The following CPEB1 variants were observed in gnomAD, a reference collection of about 807,000 sequenced individuals.
CPEB1 encodes cytoplasmic polyadenylation element binding protein 1, also known as cytoplasmic polyadenylation element-binding protein 1.
Under a neutral mutation model 65.8 loss-of-function variants are expected in CPEB1, and 7 were observed. The ratio of observed to expected loss-of-function variants is 0.11; its 90% CI spans 0.06 to 0.20. The LOEUF (loss-of-function observed/expected upper bound fraction) is 0.20. Ranked by LOEUF, CPEB1 falls within the 10% of genes least tolerant of loss-of-function variation. The pLI, the probability that CPEB1 is intolerant of heterozygous loss-of-function variation, is 1.00. For missense variants in CPEB1, 551 were observed against 712.2 expected (o/e 0.77, Z 2.58); for synonymous variants, 262 against 260.0 (o/e 1.01, Z -0.08).
At chr15:82,545,158 C>CTCTTGGTTGCTGTG (rs1490601046) in intron 12 of CPEB1, among the ~76,000 whole-genome samples, 1 of 152,180 alleles carries the variant, frequency 6.6e-6, no homozygotes, top group African/African-American at 2.4e-5. Context: ...CTAGTCCCAT[C>CTCTTGGTTGCTGTG]TCTTGGTTGC....
chr15:82,598,657 T>C (rs1028254956), intron 3 of CPEB1, among the ~76,000 whole-genome samples: 2 of 151,952 alleles, frequency 1.3e-5, no homozygotes, highest in Non-Finnish European at 2.9e-5. Context: ...TGGTGGTGGG[T>C]GCCCGTAATC....
chr15:82,583,112 T>C (rs773454328), intron 3 of CPEB1, among the ~76,000 whole-genome samples: 39 of 152,210 alleles, frequency 2.6e-4, no homozygotes, highest in Admixed American at 1.3e-4. Context: ...CGGGTGTTTC[T>C]AAGATTTCGC....
chr15:82,633,648 T>C (rs568595646), intron 1 of CPEB1, among the ~76,000 whole-genome samples: 2 of 152,336 alleles, frequency 1.3e-5, no homozygotes, highest in South Asian at 2.1e-4. Flanking sequence ...GCTGGGATTA[T>C]AGGCATGAGC....
chr15:82,631,606 G>A (rs188509301), intron 1 of CPEB1, among the ~76,000 whole-genome samples: 211 of 152,212 alleles, frequency 1.4e-3, no homozygotes, highest in African/African-American at 4.6e-3. Flanking sequence ...TCTATCAGTC[G>A]TATCATTATT....
chr15:82,567,183 C>G (rs542712444), intron 4 of CPEB1, among the ~76,000 whole-genome samples: 1 of 152,158 alleles, frequency 6.6e-6, no homozygotes, highest in Non-Finnish European at 1.5e-5. Context: ...TAATCCCGTT[C>G]TGAATGTCGC....
intron 3 of CPEB1, among the ~76,000 whole-genome samples, chr15:82,607,616 C>A (rs1055037932): frequency 6.6e-6 from 1 of 151,876 alleles, no homozygotes; most frequent in African/African-American, 2.4e-5. Flanking sequence ...ACAAAAGACA[C>A]AAATAGGTTG....
intron 3 of CPEB1, among the ~76,000 whole-genome samples, chr15:82,616,183 T>C (rs2044689977): frequency 6.6e-6 from 1 of 152,122 alleles, no homozygotes; most frequent in Non-Finnish European, 1.5e-5. Context: ...TAGTTGCTTA[T>C]ATCATTCTAT....
chr15:82,601,584 A>G (rs2043124298), intron 3 of CPEB1, among the ~76,000 whole-genome samples: 1 of 152,138 alleles, frequency 6.6e-6, no homozygotes, highest in African/African-American at 2.4e-5. Flanking sequence ...AGAACTATAA[A>G]TAAAGATTTG....
intron 4 of CPEB1, among the ~76,000 whole-genome samples, chr15:82,561,766 T>C (rs1327274987): frequency 6.6e-6 from 1 of 152,222 alleles, no homozygotes; most frequent in Non-Finnish European, 1.5e-5. Context: ...TGAGGCTTTG[T>C]CAAATTCCTG....
chr15:82,613,191 A>G (rs543951330), intron 3 of CPEB1, among the ~76,000 whole-genome samples: 7 of 152,350 alleles, frequency 4.6e-5, no homozygotes, highest in Middle Eastern at 3.4e-3. Flanking sequence ...TCCAAACAAT[A>G]TACTAAATAA....
At chr15:82,553,121 G>A (rs971719813) in intron 8 of CPEB1, among the ~76,000 whole-genome samples, 3 of 152,204 alleles carry the variant, frequency 2.0e-5, no homozygotes, top group South Asian at 2.1e-4. Flanking sequence ...AGGCAACAAC[G>A]TAACTGGGCA....
chr15:82,641,099 A>G (rs1160588394), intron 1 of CPEB1, among the ~76,000 whole-genome samples: 1 of 151,886 alleles, frequency 6.6e-6, no homozygotes, highest in Non-Finnish European at 1.5e-5. Flanking sequence ...TTTCCATTCT[A>G]AACTTAATTC....
intron 3 of CPEB1, among the ~76,000 whole-genome samples, chr15:82,582,803 G>A (rs1042077173): frequency 3.5e-5 from 5 of 141,080 alleles, no homozygotes; most frequent in East Asian, 4.1e-4. Context: ...GTGCAGTGGC[G>A]TGATCTGGAC....
At chr15:82,635,568 C>T (rs1392067557) in intron 1 of CPEB1, among the ~76,000 whole-genome samples, 1 of 152,148 alleles carries the variant, frequency 6.6e-6, no homozygotes, top group African/African-American at 2.4e-5. Context: ...TTTCAACCAA[C>T]AAAATGGCAA....
chr15:82,599,593 C>T (rs1327115865), intron 3 of CPEB1, among the ~76,000 whole-genome samples: 1 of 152,148 alleles, frequency 6.6e-6, no homozygotes, highest in African/African-American at 2.4e-5. Flanking sequence ...AATACCAGAA[C>T]ACAAAAGTCA....
intron 1 of CPEB1, chr15:82,637,851 C>A: frequency 3.0e-6 from 1 of 337,922 alleles, no homozygotes; most frequent in Non-Finnish European, 5.9e-6. Context: ...TTTAATTACT[C>A]AAGAGCTTTT....
intron 3 of CPEB1, among the ~76,000 whole-genome samples, chr15:82,600,833 A>T (rs1051695955): frequency 3.4e-5 from 5 of 147,602 alleles, no homozygotes; most frequent in Non-Finnish European, 7.5e-5. Flanking sequence ...GGACAGGGGG[A>T]GGTTGGGTGG....
chr15:82,604,278 T>C (rs1469223628), intron 3 of CPEB1, among the ~76,000 whole-genome samples: 1 of 151,930 alleles, frequency 6.6e-6, no homozygotes, highest in East Asian at 1.9e-4. Flanking sequence ...GGTCAGGAGA[T>C]TGAGAGCATC....
At chr15:82,631,347 A>C (rs1184437324) in intron 1 of CPEB1, among the ~76,000 whole-genome samples, 2 of 152,074 alleles carry the variant, frequency 1.3e-5, no homozygotes, top group African/African-American at 4.8e-5. Context: ...AATAAAAGTG[A>C]ATGAGGTGTT....
Sources: allele counts gnomAD v4.1 joint callset (sites outside exome capture counted in the v4.1 genomes callset), GRCh38; gene constraint gnomAD v4.1.1; transcripts MANE v1.5; gene names NCBI Gene and HGNC (gene_info 2026-07-23, HGNC 2026-07-21).